The following NCOR2 variants were observed in gnomAD, a reference collection of about 807,000 sequenced individuals.
NCOR2 encodes the protein CTG repeat protein 26.
Under a neutral mutation model 262.9 loss-of-function variants are expected in NCOR2, and 81 were observed. That is an observed-to-expected ratio of 0.31 (90% CI 0.26 to 0.37). NCOR2 has a LOEUF of 0.37. Among genes scored for constraint, NCOR2 ranks in the 10% least tolerant of loss-of-function variants. The pLI, the probability that NCOR2 is intolerant of heterozygous loss-of-function variation, is 1.00. For missense variants in NCOR2, 3,385 were observed against 3,621.4 expected (o/e 0.93, Z 1.68); for synonymous variants, 1,659 against 1,559.3 (o/e 1.06, Z -1.51).
intron 1 of NCOR2, among the ~76,000 whole-genome samples, chr12:124,543,814 C>A (rs964895446): frequency 6.6e-6 from 1 of 152,220 alleles, no homozygotes; most frequent in Admixed American, 6.5e-5. Context: ...CGCGGCAGCA[C>A]GGAAAGGCCA....
chr12:124,341,943 T>C (rs1279476563), exon 34 of NCOR2: 1 of 1,613,190 alleles, frequency 6.2e-7, no homozygotes. Flanking sequence ...TGCGAGGTGA[T>C]GTAGTCATTG....
intron 13 of NCOR2, among the ~76,000 whole-genome samples, chr12:124,412,683 C>T (rs2042645469): frequency 6.6e-6 from 1 of 152,232 alleles, no homozygotes; most frequent in African/African-American, 2.4e-5. Context: ...ACCCCTTCAG[C>T]CACCCTGCTC....
At chr12:124,365,858 C>T (rs112086432) in intron 20 of NCOR2, among the ~76,000 whole-genome samples, 3,304 of 152,222 alleles carry the variant, frequency 0.022, 83 homozygotes, top group Non-Finnish European at 0.029. Context: ...AAGGTACAGA[C>T]AAGGTACCCT....
chr12:124,491,625 G>A (rs1167492602), intron 1 of NCOR2, among the ~76,000 whole-genome samples: 1 of 152,212 alleles, frequency 6.6e-6, no homozygotes, highest in Non-Finnish European at 1.5e-5. Flanking sequence ...TAGCCCATTC[G>A]TTTAGCCCAA....
chr12:124,378,458 C>G lies in NCOR2; in HGVS notation c.2020-74G>C. 1 of 1,443,506 alleles carries G rather than the reference C, an allele frequency of 6.9e-7. No homozygotes were observed. The highest frequency in any genetic ancestry group is 9.3e-7 in the Non-Finnish European group (1 of 1,078,150). 89.4% of individuals were successfully genotyped at this position (1,443,506 alleles called of 1,614,324 possible). On this transcript the variant is annotated intron_variant, in intron 17 of 46. Transcript: ENST00000405201. This position sits in a 1 kb window ranked among gnomAD's most constrained non-coding sequence, Gnocchi z 4.2. Reference sequence around the variant, plus strand: ...CTCGGGGACTCCCCATGCCTGGGGCCTCGCCGCAGGTGCAAAGGGCAGTGA... The same window carrying G: ...CTCGGGGACTCCCCATGCCTGGGGCGTCGCCGCAGGTGCAAAGGGCAGTGA...
At chr12:124,533,366 A>G (rs2050949741) in intron 1 of NCOR2, among the ~76,000 whole-genome samples, 1 of 151,554 alleles carries the variant, frequency 6.6e-6, no homozygotes, top group Non-Finnish European at 1.5e-5. Flanking sequence ...CCCTTCCCCC[A>G]GATACCTACA....
At chr12:124,388,728 CAT>C (rs879774620) in intron 16 of NCOR2, 7 of 1,304,390 alleles carry the variant, frequency 5.4e-6, no homozygotes, top group African/African-American at 1.5e-5. Flanking sequence ...TTTCCGGAAA[CAT>C]AGGGCTGGGA....
Position 124,346,170 on chromosome 12 carries a change from C to T in NCOR2, c.4359+394G>A, listed in dbSNP as rs11837984. ...CAATAAAATAAGGTCATTAAGAAAA[C>T]GACCTCAGAGCATTGCTAGGGGGTG... On this transcript the variant is annotated intron_variant, in intron 31 of 46. Coordinates refer to ENST00000405201, the Ensembl canonical transcript of NCOR2. 4.6e-3 allele frequency among the ~76,000 whole-genome samples: 704 copies of T among 152,294 alleles called. 6 individuals are homozygous for T. The highest frequency in any genetic ancestry group is 0.016 in the African/African-American group (668 of 41,562).
chr12:124,341,848 T>C (rs1459978931), exon 34 of NCOR2: 1 of 1,607,856 alleles, frequency 6.2e-7, no homozygotes, highest in East Asian at 2.2e-5. Flanking sequence ...CGTAGTTGAG[T>C]GCCAGCGAGG....
chr12:124,458,532 G>C (rs977285370), intron 5 of NCOR2, among the ~76,000 whole-genome samples: 1 of 152,164 alleles, frequency 6.6e-6, no homozygotes, highest in African/African-American at 2.4e-5. Context: ...GGGGCCAGAA[G>C]AGCAGGGGAG....
At position 124,443,616 on chromosome 12, in the gene NCOR2, C is replaced by T. The variant is rs1318901160; in HGVS notation, c.816-5620G>A. Among the ~76,000 whole-genome samples, 1 of 152,146 alleles carries T rather than the reference C, an allele frequency of 6.6e-6. No homozygotes were observed. The highest frequency in any genetic ancestry group is 2.4e-5 in the African/African-American group (1 of 41,414). ...CTCCCGGGTTCAAGTGATTGTCCTG[C>T]CTCAGCCTCCCAAGTAACTGGGGCT... is the stretch of plus-strand genomic sequence containing the variant. On this transcript the variant is annotated intron_variant, in intron 7 of 46. Transcript: ENST00000405201. The surrounding 1 kb of genome is among the most constrained non-coding windows in gnomAD (Gnocchi z 4.4).
intron 1 of NCOR2, among the ~76,000 whole-genome samples, chr12:124,565,633 A>G (rs1266471649): frequency 6.6e-6 from 1 of 151,898 alleles, no homozygotes; most frequent in East Asian, 1.9e-4. Flanking sequence ...CAATCTTAGA[A>G]CCCAGGAATA....
chr12:124,506,979 G>A (rs575790992), intron 1 of NCOR2, among the ~76,000 whole-genome samples: 2 of 152,206 alleles, frequency 1.3e-5, no homozygotes, highest in Non-Finnish European at 2.9e-5. Flanking sequence ...AAAGGATGCG[G>A]ACGGGGTTGG....
chr12:124,466,113 C>G lies in NCOR2; in HGVS notation c.705+60G>C, dbSNP rs562209046. On this transcript the variant is annotated intron_variant, in intron 5 of 46. Transcript: ENST00000405201. Reference sequence around the variant, plus strand: ...ACACTGAGGCCTGATTCATGGTGCCCCCTGTGAAGCGCCTCATGGCCAGCA... The same window carrying G: ...ACACTGAGGCCTGATTCATGGTGCCGCCTGTGAAGCGCCTCATGGCCAGCA... 8.1e-6 allele frequency: 12 copies of G among 1,476,940 alleles called. No homozygotes were observed. The African/African-American group carries it at 1.6e-4, about 19-fold the overall frequency. The allele number at this position is 1,476,940 out of a possible 1,614,324, so 91.5% of individuals were successfully genotyped here.
At chr12:124,439,259 AGATGGAGACCCT>A (rs1565945471) in intron 7 of NCOR2, among the ~76,000 whole-genome samples, 142 of 85,156 alleles carry the variant, frequency 1.7e-3, no homozygotes, top group South Asian at 3.7e-3. Flanking sequence ...AGAGAGAGAG[AGATGGAGACCCT>A]GAGACAGAGG....
chr12:124,347,540 T>C, intron 30 of NCOR2: 1 of 422,428 alleles, frequency 2.4e-6, no homozygotes, highest in Non-Finnish European at 4.3e-6. Flanking sequence ...TGTAAAACGA[T>C]ACGCAGGTGG....
At chr12:124,522,281 G>C (rs1452582948) in intron 1 of NCOR2, among the ~76,000 whole-genome samples, 1 of 152,268 alleles carries the variant, frequency 6.6e-6, no homozygotes, top group Non-Finnish European at 1.5e-5. Context: ...GTTCACAACT[G>C]TATTCGTTTC....
rs374127961 is a variant in NCOR2 at position 124,488,620 on chromosome 12, G to A, written c.106-2052C>T. On this transcript the variant is annotated intron_variant, in intron 1 of 46. Coordinates refer to ENST00000405201, the Ensembl canonical transcript of NCOR2. The stretch of plus-strand genomic sequence containing the variant: ...TCAGTGGGAGGAGAAGGGAGAAGAC[G>A]GGGCTGGAGGGAGGGAGTGGAGGAG... 3.7e-4 allele frequency among the ~76,000 whole-genome samples: 56 copies of A among 152,360 alleles called. No homozygotes were observed. In the East Asian group the frequency reaches 9.4e-3, roughly 26 times the overall value.
chr12:124,501,060 G>GCACA (rs1190699563), intron 1 of NCOR2, among the ~76,000 whole-genome samples: 165 of 48,806 alleles, frequency 3.4e-3, no homozygotes, highest in South Asian at 2.7e-3. Flanking sequence ...GCGCGCACGC[G>GCACA]CGCACACACA....
Sources: gnomAD v4.1 joint callset for allele counts (sites outside exome capture counted in the v4.1 genomes callset) on GRCh38, gnomAD v4.1.1 for gene constraint, Gnocchi (gnomAD v3.1) non-coding constraint, MANE v1.5 for transcripts, NCBI Gene and HGNC (gene_info 2026-07-23, HGNC 2026-07-21) for gene names.